ZNF385D: variants seen among roughly 807,000 people sequenced by gnomAD.
The protein encoded by ZNF385D is zinc finger protein 659.
Under a neutral mutation model 35.8 loss-of-function variants are expected in ZNF385D, and 15 were observed. The observed-to-expected ratio is 0.42, with a 90% CI of 0.28 to 0.64. The LOEUF (loss-of-function observed/expected upper bound fraction) is 0.64, where lower values mean the gene tolerates loss of function less well. Ranked by LOEUF, ZNF385D falls within the 30% of genes least tolerant of loss-of-function variation. ZNF385D has a pLI of 0.23. For synonymous variants in ZNF385D, 212 were observed against 186.8 expected, an observed-to-expected ratio of 1.13 and a Z score of -1.10; for missense variants, 474 against 494.6, an observed-to-expected ratio of 0.96 and a Z score of 0.39.
At chr3:21,861,332 ATTT>A (rs1053831055) in intron 3 of ZNF385D, among the ~76,000 whole-genome samples, 1 of 152,104 alleles carries the variant, frequency 6.6e-6, no homozygotes, top group East Asian at 1.9e-4. Context: ...AGTTAGTGGA[ATTT>A]TTTATTTAGG....
At chr3:21,975,537 C>G (rs951034452) in intron 3 of ZNF385D, among the ~76,000 whole-genome samples, 2 of 151,904 alleles carry the variant, frequency 1.3e-5, no homozygotes, top group Non-Finnish European at 2.9e-5. Flanking sequence ...TTTAAAATAA[C>G]TAAAAGCATA....
At chr3:21,445,801 G>A (rs1343140413) in intron 4 of ZNF385D, among the ~76,000 whole-genome samples, 1 of 152,164 alleles carries the variant, frequency 6.6e-6, no homozygotes, top group East Asian at 1.9e-4. Flanking sequence ...GTAGGTGCTA[G>A]ACTGAAAATT....
chr3:22,177,462 T>C (rs1405521960), intron 2 of ZNF385D, among the ~76,000 whole-genome samples: 1 of 152,196 alleles, frequency 6.6e-6, no homozygotes, highest in African/African-American at 2.4e-5. Flanking sequence ...ATATGTTAAG[T>C]ACCTGCCATG....
At chr3:22,075,824 C>A (rs1363520082) in intron 3 of ZNF385D, among the ~76,000 whole-genome samples, 1 of 151,888 alleles carries the variant, frequency 6.6e-6, no homozygotes, top group African/African-American at 2.4e-5. Flanking sequence ...AGGAACATTT[C>A]TATCTTCAAA....
At chr3:21,672,522 T>C (rs1355777145) in intron 1 of ZNF385D, among the ~76,000 whole-genome samples, 2 of 151,788 alleles carry the variant, frequency 1.3e-5, no homozygotes, top group Non-Finnish European at 2.9e-5. Context: ...AGAATGGGAG[T>C]ATGAGTCAGG....
At chr3:21,918,841 A>G (rs916094832) in intron 3 of ZNF385D, among the ~76,000 whole-genome samples, 1 of 152,140 alleles carries the variant, frequency 6.6e-6, no homozygotes, top group Non-Finnish European at 1.5e-5. Context: ...CTTGACAGCG[A>G]GATCTCGTGA....
intron 2 of ZNF385D, among the ~76,000 whole-genome samples, chr3:22,190,102 C>A (rs957031828): frequency 6.6e-6 from 1 of 152,136 alleles, no homozygotes; most frequent in African/African-American, 2.4e-5. Context: ...AAACAGTATT[C>A]TTGGTAAGTG....
intron 3 of ZNF385D, among the ~76,000 whole-genome samples, chr3:22,084,498 T>TA (rs1700925641): frequency 6.6e-6 from 1 of 151,986 alleles, no homozygotes; most frequent in Non-Finnish European, 1.5e-5. Flanking sequence ...TACATAATGG[T>TA]AAAGGGATCA....
At chr3:22,197,474 A>G (rs1227448433) in intron 2 of ZNF385D, among the ~76,000 whole-genome samples, 1 of 152,006 alleles carries the variant, frequency 6.6e-6, no homozygotes, top group East Asian at 1.9e-4. Flanking sequence ...ACTCATCTAT[A>G]TTTGATTTTG....
intron 3 of ZNF385D, among the ~76,000 whole-genome samples, chr3:21,854,099 A>G (rs886324928): frequency 6.6e-6 from 1 of 151,938 alleles, no homozygotes; most frequent in Non-Finnish European, 1.5e-5. Context: ...TAAAATAAAC[A>G]AGAAAGATAG....
chr3:21,602,513 T>C (rs1015468016), intron 2 of ZNF385D, among the ~76,000 whole-genome samples: 125 of 72,884 alleles, frequency 1.7e-3, no homozygotes, highest in African/African-American at 4.6e-3. Flanking sequence ...TTTCCCTGCA[T>C]TTTCTTTTTT....
At chr3:22,339,479 T>C (rs779921813) in intron 2 of ZNF385D, among the ~76,000 whole-genome samples, 1 of 152,194 alleles carries the variant, frequency 6.6e-6, no homozygotes, top group Non-Finnish European at 1.5e-5. Context: ...TTCTTACAGA[T>C]GAAAGACTTC....
intron 1 of ZNF385D, among the ~76,000 whole-genome samples, chr3:21,695,520 G>T (rs2067438982): frequency 6.6e-6 from 1 of 152,110 alleles, no homozygotes; most frequent in Non-Finnish European, 1.5e-5. Flanking sequence ...TAGCCTAAGT[G>T]GAACTGACCA....
intron 2 of ZNF385D, among the ~76,000 whole-genome samples, chr3:22,367,622 G>C (rs912207181): frequency 7.9e-5 from 12 of 151,728 alleles, no homozygotes; most frequent in Non-Finnish European, 1.8e-4. Context: ...ATGCCTTCTG[G>C]AGTTTCCTGT....
intron 3 of ZNF385D, among the ~76,000 whole-genome samples, chr3:21,945,218 A>T (rs990111011): frequency 2.0e-5 from 3 of 152,126 alleles, no homozygotes; most frequent in Non-Finnish European, 2.9e-5. Flanking sequence ...AATGAAAGAG[A>T]GAAAGAGACA....
intron 3 of ZNF385D, among the ~76,000 whole-genome samples, chr3:21,552,047 A>G (rs1180163719): frequency 6.6e-6 from 1 of 152,178 alleles, no homozygotes; most frequent in Non-Finnish European, 1.5e-5. Flanking sequence ...AGGCAAAACT[A>G]CTTTCCTATG....
At chr3:21,942,331 A>G (rs1430755984) in intron 3 of ZNF385D, among the ~76,000 whole-genome samples, 1 of 152,212 alleles carries the variant, frequency 6.6e-6, no homozygotes, top group Non-Finnish European at 1.5e-5. Flanking sequence ...TTCATAAATG[A>G]GGGGCTCTTT....
intron 4 of ZNF385D, among the ~76,000 whole-genome samples, chr3:21,480,695 G>C (rs946132655): frequency 3.9e-5 from 6 of 152,090 alleles, no homozygotes; most frequent in Non-Finnish European, 1.5e-5. Context: ...ATTGACATTC[G>C]ATATTCACTT....
At chr3:22,203,409 G>A (rs1004804003) in intron 2 of ZNF385D, among the ~76,000 whole-genome samples, 4 of 152,100 alleles carry the variant, frequency 2.6e-5, no homozygotes, top group Non-Finnish European at 2.9e-5. Context: ...TACACACAGT[G>A]GGCTATACCG....
Sources: gnomAD v4.1 joint callset for allele counts (sites outside exome capture counted in the v4.1 genomes callset) on GRCh38, gnomAD v4.1.1 for gene constraint, MANE v1.5 for transcripts, NCBI Gene and HGNC (gene_info 2026-07-23, HGNC 2026-07-21) for gene names.